IFT74: variants seen among roughly 807,000 people sequenced by gnomAD.
The protein encoded by IFT74 is intraflagellar transport protein 74 homolog.
In IFT74, 92 loss-of-function variants were observed where a neutral mutation model predicts 96.7. That is an observed-to-expected ratio of 0.95 (90% CI 0.80 to 1.13). The LOEUF (loss-of-function observed/expected upper bound fraction) is 1.13, where lower values mean the gene tolerates loss of function less well. Among genes scored for constraint, IFT74 ranks in the 50% most tolerant of loss-of-function variants. IFT74 has a pLI of 0.00. For synonymous variants in IFT74, 223 were observed against 213.2 expected, an observed-to-expected ratio of 1.05 and a Z score of -0.40; for missense variants, 811 against 698.2, an observed-to-expected ratio of 1.16 and a Z score of -1.82.
intron 16 of IFT74, 118 bp downstream of exon 16, chr9:27,048,392 G>C: frequency 3.1e-6 from 2 of 645,574 alleles, no homozygotes. Context: ...TATTGCCCCA[G>C]AATTATGTGT....
intron 12 of IFT74, among the ~76,000 whole-genome samples, chr9:27,020,058 C>G (rs1829526820): frequency 6.6e-6 from 1 of 151,936 alleles, no homozygotes; most frequent in African/African-American, 2.4e-5. Flanking sequence ...TCACTGCAAC[C>G]TCCACATCCT....
chr9:26,996,711 A>G (rs1277466856), intron 8 of IFT74, among the ~76,000 whole-genome samples: 1 of 152,104 alleles, frequency 6.6e-6, no homozygotes, highest in Non-Finnish European at 1.5e-5. Flanking sequence ...TATCTTTGTT[A>G]TTTAGTTTAT....
chr9:27,012,708 G>GTTTTTGTTTTT (rs1563974337), intron 10 of IFT74, among the ~76,000 whole-genome samples: 1 of 53,866 alleles, frequency 1.9e-5, no homozygotes, highest in African/African-American at 8.2e-5. Context: ...AAAAATGTCT[G>GTTTTTGTTTTT]TTTTTTTTTT....
At chr9:27,050,405 G>A (rs1181336744) in intron 16 of IFT74, among the ~76,000 whole-genome samples, 1 of 152,150 alleles carries the variant, frequency 6.6e-6, no homozygotes, top group African/African-American at 2.4e-5. Flanking sequence ...TGTGGCTAAT[G>A]GCTGCCATTG....
chr9:27,025,268 C>T (rs1206646798), intron 12 of IFT74, among the ~76,000 whole-genome samples: 1 of 151,716 alleles, frequency 6.6e-6, no homozygotes. Flanking sequence ...TAAGGTAAAA[C>T]CTTGTCTCTA....
At chr9:26,985,783 C>T (rs922020045) in intron 6 of IFT74, among the ~76,000 whole-genome samples, 46 of 152,076 alleles carry the variant, frequency 3.0e-4, no homozygotes, top group African/African-American at 7.5e-4. Context: ...TATCAGTGAT[C>T]ATTGCTTTAA....
intron 10 of IFT74, 102 bp from the exon 11 acceptor site, chr9:27,016,805 C>T: frequency 1.3e-6 from 1 of 752,410 alleles, no homozygotes. Context: ...TTTAAAGATG[C>T]TAGTAGTTTA....
intron 12 of IFT74, among the ~76,000 whole-genome samples, chr9:27,024,331 C>T (rs1005360680): frequency 2.0e-5 from 3 of 152,220 alleles, no homozygotes; most frequent in African/African-American, 2.4e-5. Flanking sequence ...AGACAGATCA[C>T]TTCGCAGGAC....
intron 8 of IFT74, among the ~76,000 whole-genome samples, chr9:26,991,992 G>A (rs543124777): frequency 4.0e-5 from 6 of 151,858 alleles, no homozygotes; most frequent in South Asian, 4.1e-4. Context: ...TCGCGCCATC[G>A]TGCCACTGCA....
intron 1 of IFT74, among the ~76,000 whole-genome samples, chr9:26,958,533 C>CA (rs1826217194): frequency 6.6e-6 from 1 of 152,044 alleles, no homozygotes; most frequent in South Asian, 2.1e-4. Context: ...TAGAACTAAA[C>CA]AAAACAAACT....
intron 13 of IFT74, among the ~76,000 whole-genome samples, chr9:27,039,829 A>C (rs922727139): frequency 2.6e-5 from 4 of 152,180 alleles, no homozygotes; most frequent in African/African-American, 9.7e-5. Flanking sequence ...GGGGTACTGA[A>C]ACCAGTCCCC....
At chr9:27,006,986 A>G (rs781361121) in intron 8 of IFT74, among the ~76,000 whole-genome samples, 99 of 151,346 alleles carry the variant, frequency 6.5e-4, no homozygotes, top group East Asian at 1.2e-3. Flanking sequence ...ACAGGCGCCC[A>G]CCATCACGCC....
chr9:27,014,071 C>A (rs1030877170), intron 10 of IFT74, among the ~76,000 whole-genome samples: 1 of 152,000 alleles, frequency 6.6e-6, no homozygotes, highest in African/African-American at 2.4e-5. Flanking sequence ...AAAAATTAGT[C>A]GGGCATGGTG....
At chr9:26,970,008 A>C (rs866135785) in intron 2 of IFT74, among the ~76,000 whole-genome samples, 3 of 150,780 alleles carry the variant, frequency 2.0e-5, no homozygotes, top group Non-Finnish European at 4.4e-5. Context: ...ATGACTTCCT[A>C]TTCTCTTTTT....
chr9:27,018,166 T>G (rs1028703930), intron 11 of IFT74, among the ~76,000 whole-genome samples: 1 of 152,218 alleles, frequency 6.6e-6, no homozygotes, highest in African/African-American at 2.4e-5. Context: ...AAATAATCTT[T>G]CAGATATATA....
At chr9:26,965,839 T>G (rs1203915038) in intron 2 of IFT74, among the ~76,000 whole-genome samples, 2 of 152,100 alleles carry the variant, frequency 1.3e-5, no homozygotes, top group African/African-American at 4.8e-5. Flanking sequence ...TATGTCCGTA[T>G]GTACCCATTG....
intron 12 of IFT74, among the ~76,000 whole-genome samples, chr9:27,027,601 C>T (rs2131639882): frequency 6.6e-6 from 1 of 152,048 alleles, no homozygotes; most frequent in South Asian, 2.1e-4. Context: ...GCTTATTGGC[C>T]ATATTCTTTG....
chr9:26,967,455 C>G (rs1417873107), intron 2 of IFT74, among the ~76,000 whole-genome samples: 1 of 152,024 alleles, frequency 6.6e-6, no homozygotes, highest in Non-Finnish European at 1.5e-5. Flanking sequence ...CTGAGTTTTA[C>G]TGAATTTACT....
At position 26,978,002 on chromosome 9, in the gene IFT74, A is replaced by G. The variant is rs980845129; in HGVS notation, c.121-126A>G. ...ATTTAATAATTCAGACATTTAAAAA[A>G]TAAGGAAATTTTTACAAATCAAGTA... On this transcript the variant is annotated intron_variant, in intron 2 of 19. Coordinates refer to ENST00000380062, the MANE Select transcript of IFT74 (RefSeq NM_025103.4). 13 of 719,180 alleles carry G rather than the reference A, an allele frequency of 1.8e-5. No homozygotes were observed. In the South Asian group the frequency reaches 2.8e-4, roughly 15 times the overall value. The allele number at this position is 719,180 out of a possible 1,614,324, so 44.5% of individuals were successfully genotyped here.
Sources: gnomAD v4.1 joint callset for allele counts (sites outside exome capture counted in the v4.1 genomes callset) on GRCh38, gnomAD v4.1.1 for gene constraint, MANE v1.5 for transcripts, NCBI Gene and HGNC (gene_info 2026-07-23, HGNC 2026-07-21) for gene names.